CSMD3: variants seen among roughly 807,000 people sequenced by gnomAD.
The protein encoded by CSMD3 is CUB and sushi domain-containing protein 3.
A neutral mutation model predicts 435.2 loss-of-function variants in CSMD3; 177 were observed. That is an observed-to-expected ratio of 0.41 (90% CI 0.36 to 0.46). The LOEUF is 0.46. Ranked by LOEUF, CSMD3 falls within the 20% of genes least tolerant of loss-of-function variation. The pLI, the probability that CSMD3 is intolerant of heterozygous loss-of-function variation, is 0.34. For synonymous variants in CSMD3, 1,656 were observed against 1,520.5 expected, an observed-to-expected ratio of 1.09 and a Z score of -2.07; for missense variants, 4,265 against 4,504.6, an observed-to-expected ratio of 0.95 and a Z score of 1.52.
At chr8:113,015,790 A>C (rs1353245346) in intron 6 of CSMD3, among the ~76,000 whole-genome samples, 1 of 151,860 alleles carries the variant, frequency 6.6e-6, no homozygotes, top group African/African-American at 2.4e-5. Flanking sequence ...TTAAAAAATA[A>C]GTAAATATGA....
At chr8:112,532,232 CAAG>C (rs1825613040) in intron 27 of CSMD3, among the ~76,000 whole-genome samples, 1 of 151,524 alleles carries the variant, frequency 6.6e-6, no homozygotes, top group Admixed American at 6.6e-5. Flanking sequence ...AAAATGGCTT[CAAG>C]AAGGCAAATC....
At chr8:112,779,019 G>C (rs184288924) in intron 13 of CSMD3, among the ~76,000 whole-genome samples, 1 of 151,760 alleles carries the variant, frequency 6.6e-6, no homozygotes, top group East Asian at 1.9e-4. Context: ...TTTTAAATAA[G>C]GTTGGTCATT....
At chr8:112,913,841 A>G (rs1227391441) in intron 10 of CSMD3, among the ~76,000 whole-genome samples, 2 of 151,682 alleles carry the variant, frequency 1.3e-5, no homozygotes, top group African/African-American at 4.8e-5. Context: ...TTTTCTATAA[A>G]AATTTTTGTA....
At chr8:112,281,641 T>C (rs1586641566) in intron 58 of CSMD3, among the ~76,000 whole-genome samples, 1 of 152,094 alleles carries the variant, frequency 6.6e-6, no homozygotes, top group Non-Finnish European at 1.5e-5. Flanking sequence ...TGGCTTCAGG[T>C]ACCACAAAAT....
chr8:112,876,402 C>A (rs2081283069), intron 10 of CSMD3, among the ~76,000 whole-genome samples: 1 of 152,176 alleles, frequency 6.6e-6, no homozygotes, highest in East Asian at 1.9e-4. Context: ...AGGCCAATAT[C>A]CCTGATGAAG....
intron 22 of CSMD3, among the ~76,000 whole-genome samples, chr8:112,597,063 T>G (rs1831800370): frequency 1.3e-5 from 2 of 152,032 alleles, no homozygotes; most frequent in South Asian, 4.1e-4. Flanking sequence ...CTTCAAAAAA[T>G]TAATGAATCC....
At chr8:113,241,363 A>G (rs774592397) in intron 3 of CSMD3, among the ~76,000 whole-genome samples, 2 of 152,090 alleles carry the variant, frequency 1.3e-5, no homozygotes, top group Non-Finnish European at 2.9e-5. Flanking sequence ...TACCTGATAC[A>G]TATTTAAGGC....
At chr8:112,832,468 T>C (rs1265184468) in intron 11 of CSMD3, among the ~76,000 whole-genome samples, 2 of 152,012 alleles carry the variant, frequency 1.3e-5, no homozygotes, top group Non-Finnish European at 2.9e-5. Context: ...TAAAAGAAGG[T>C]CCAGAAATGA....
intron 38 of CSMD3, among the ~76,000 whole-genome samples, chr8:112,357,802 G>A (rs1303880891): frequency 6.6e-6 from 1 of 152,210 alleles, no homozygotes; most frequent in Admixed American, 6.5e-5. Context: ...CCAGGTAGAA[G>A]TTTGCTGCAG....
Position 112,945,316 on chromosome 8 carries a change from C to A in CSMD3, c.1508+2474G>T, listed in dbSNP as rs1253456829. ...CTTTCACTCAGACTACTGAAGAAAC[C>A]TAACTAAAATTTAAGTTTTCTTCAA... is the stretch of plus-strand genomic sequence containing the variant. On this transcript the variant is annotated intron_variant, in intron 9 of 70. Coordinates refer to ENST00000297405, the MANE Select transcript of CSMD3 (RefSeq NM_198123.2). Among the ~76,000 whole-genome samples, 12 of 151,666 alleles carry A rather than the reference C, an allele frequency of 7.9e-5. No individual in the cohort carries two copies. In the Admixed American group the frequency reaches 7.9e-4, roughly 10 times the overall value.
chr8:113,310,847 A>T (rs2093862527), intron 2 of CSMD3: 1 of 151,924 alleles, frequency 6.6e-6, no homozygotes, highest in Non-Finnish European at 1.5e-5. Context: ...ATAAAAGAAA[A>T]AACAAAAATA....
intron 4 of CSMD3, among the ~76,000 whole-genome samples, chr8:113,158,740 A>T (rs2091981596): frequency 6.6e-6 from 1 of 151,964 alleles, no homozygotes; most frequent in African/African-American, 2.4e-5. Flanking sequence ...GTTTATATAT[A>T]TTTTTGTATA....
intron 11 of CSMD3, among the ~76,000 whole-genome samples, chr8:112,842,942 C>T (rs1250801921): frequency 6.6e-6 from 1 of 151,500 alleles, no homozygotes; most frequent in Non-Finnish European, 1.5e-5. Context: ...ATGAATCTGC[C>T]TCTAACTAGT....
intron 9 of CSMD3, among the ~76,000 whole-genome samples, chr8:112,945,064 C>G (rs1363897669): frequency 1.3e-5 from 2 of 151,580 alleles, no homozygotes; most frequent in African/African-American, 4.8e-5. Context: ...CAAAACTGAA[C>G]TCTCAATTAT....
intron 5 of CSMD3, among the ~76,000 whole-genome samples, chr8:113,062,961 T>G (rs2088681658): frequency 6.6e-6 from 1 of 151,806 alleles, no homozygotes; most frequent in Admixed American, 6.6e-5. Context: ...CTTTATTATA[T>G]AATATTGATT....
rs182230106 is a variant in CSMD3, at chr8:113,328,808, C to T, written c.179-14015G>A. Among the ~76,000 whole-genome samples the T allele has an allele frequency of 5.6e-3, 688 of 122,370 alleles. 8 individuals are homozygous for T. The highest frequency in any genetic ancestry group is 0.021 in the African/African-American group (664 of 31,580). The allele number at this position is 122,370 out of a possible 152,430, so 80.3% of individuals were successfully genotyped here. On this transcript the variant is annotated intron_variant, in intron 1 of 70. Transcript: ENST00000297405. The stretch of plus-strand genomic sequence containing the variant: ...AGGCTGGAGTACAGTGGCGTGATAA[C>T]GACTCATGGCAGCCTCAACCTTCCC...
chr8:112,959,836 G>A (rs1372647262), intron 7 of CSMD3, among the ~76,000 whole-genome samples: 1 of 151,868 alleles, frequency 6.6e-6, no homozygotes, highest in Non-Finnish European at 1.5e-5. Context: ...AGACTAATCA[G>A]TCACTGACTA....
chr8:112,968,331 G>T (rs2084502613), intron 7 of CSMD3, among the ~76,000 whole-genome samples: 1 of 151,624 alleles, frequency 6.6e-6, no homozygotes, highest in African/African-American at 2.4e-5. Context: ...GGGATTAAAA[G>T]GGACAGTGGC....
chr8:112,857,835 G>GT (rs979469228), intron 11 of CSMD3, among the ~76,000 whole-genome samples: 124 of 146,488 alleles, frequency 8.5e-4, no homozygotes, highest in East Asian at 4.0e-3. Flanking sequence ...AGCACTTCAT[G>GT]TTTTTTTTTT....
Sources: allele counts gnomAD v4.1 joint callset (sites outside exome capture counted in the v4.1 genomes callset), GRCh38; gene constraint gnomAD v4.1.1; transcripts MANE v1.5; gene names NCBI Gene and HGNC (gene_info 2026-07-23, HGNC 2026-07-21).